RAB3C: variants seen among roughly 807,000 people sequenced by gnomAD.
The protein encoded by RAB3C is ras-related protein Rab-3C.
RAB3C carries 17 observed loss-of-function variants against 26.4 expected under a neutral mutation model. The ratio of observed to expected loss-of-function variants is 0.64; its 90% CI spans 0.44 to 0.97. The LOEUF is 0.97. RAB3C is among the 50% of genes least tolerant of loss of function. The pLI, the probability that RAB3C is intolerant of heterozygous loss-of-function variation, is 0.00. For synonymous variants in RAB3C, 91 were observed against 95.9 expected (o/e 0.95, Z 0.30); for missense variants, 242 against 281.9 (o/e 0.86, Z 1.01).
chr5:58,770,856 A>G (rs914657635), intron 3 of RAB3C, among the ~76,000 whole-genome samples: 1 of 152,160 alleles, frequency 6.6e-6, no homozygotes, highest in Non-Finnish European at 1.5e-5. Context: ...CTCAATAGGA[A>G]GAGATTGGAT....
At chr5:58,845,645 C>CAT (rs1008120004) in intron 4 of RAB3C, among the ~76,000 whole-genome samples, 3 of 64,578 alleles carry the variant, frequency 4.6e-5, no homozygotes, top group Non-Finnish European at 9.8e-5. Flanking sequence ...TGTATATATA[C>CAT]ATATATATAC....
intron 2 of RAB3C, among the ~76,000 whole-genome samples, chr5:58,632,080 C>T (rs1016816151): frequency 6.6e-6 from 1 of 152,196 alleles, no homozygotes; most frequent in African/African-American, 2.4e-5. Context: ...GATGGTGACA[C>T]ATGAAAGTGA....
chr5:58,650,790 A>C (rs997627224), intron 2 of RAB3C, among the ~76,000 whole-genome samples: 1 of 152,206 alleles, frequency 6.6e-6, no homozygotes, highest in Non-Finnish European at 1.5e-5. Context: ...AGAATTGGCT[A>C]GGAAATTTCT....
rs1744238343 is a variant in RAB3C, at chr5:58,855,479, TAGTGTGCTGTCCGG to T, written c.*4129_*4142del. On this transcript the variant is annotated 3_prime_UTR_variant, in exon 5 of 5. Transcript: ENST00000282878. ...CTGTTCCTTTGCGTGTATAGTCACT[TAGTGTGCTGTCCGG>T]GTGCCACATGAGCAACTACACCCAT... 1 of 152,196 alleles carries T rather than the reference TAGTGTGCTGTCCGG, an allele frequency of 6.6e-6. No individual in the cohort carries two copies. Among genetic ancestry groups the T allele is most frequent in the South Asian group, 2.1e-4 (1 of 4,830 alleles). 9.4% of individuals were successfully genotyped at this position (152,196 alleles called of 1,614,324 possible).
rs781563717 is a variant in RAB3C, at chr5:58,617,711, C to T, written c.93C>T (p.Phe31=). ...CTGATCAGAACTTTGACTACATGTT[C>T]AAATTACTCATCATCGGCAATAGCA... ...DSSDQNFDYM[F]KLLIIGNSSV... is the part of the protein sequence containing the mutation. The change falls in exon 2 of 5, where the codon TTC becomes TTT. Residue 31 remains phenylalanine (F), a synonymous_variant. Coordinates refer to ENST00000282878, the MANE Select transcript of RAB3C (RefSeq NM_138453.4). 1 of 1,613,990 alleles carries T rather than the reference C, an allele frequency of 6.2e-7. No individual in the cohort carries two copies. Among genetic ancestry groups the T allele is most frequent in the Non-Finnish European group, 8.5e-7 (1 of 1,179,910 alleles).
In RAB3C at chr5:58,797,394, T is replaced by TAC. The variant is rs1561133611; in HGVS notation, c.372-27643_372-27642insCA. On this transcript the variant is annotated intron_variant, in intron 3 of 4. Transcript: ENST00000282878. ...ATATATATATATATATATATATATA[T>TAC]ATACACAGAGAGAGAGAGAGAAATT... is the stretch of plus-strand genomic sequence containing the variant. 2.2e-4 allele frequency among the ~76,000 whole-genome samples: 23 copies of TAC among 102,888 alleles called. 1 individual carries two copies. Among genetic ancestry groups the TAC allele is most frequent in the African/African-American group, 7.2e-4 (21 of 29,270 alleles). 67.5% of individuals were successfully genotyped at this position (102,888 alleles called of 152,430 possible).
intron 4 of RAB3C, among the ~76,000 whole-genome samples, chr5:58,849,421 T>C (rs141285852): frequency 1.5e-3 from 229 of 152,328 alleles, no homozygotes; most frequent in African/African-American, 5.1e-3. Context: ...CTTAGATCCA[T>C]GCTTGCCTTT....
intron 2 of RAB3C, 139 bp downstream of exon 2, chr5:58,618,009 C>A: frequency 1.6e-6 from 1 of 618,174 alleles, no homozygotes; most frequent in Middle Eastern, 2.6e-4. Flanking sequence ...GCAGAACATT[C>A]TGTTTCAAAG....
chr5:58,706,359 G>A (rs1748943344), intron 2 of RAB3C, among the ~76,000 whole-genome samples: 1 of 151,992 alleles, frequency 6.6e-6, no homozygotes, highest in African/African-American at 2.4e-5. Flanking sequence ...AGAAATAAGT[G>A]GCTAGTCTCC....
chr5:58,692,887 C>T (rs1353976925), intron 2 of RAB3C, among the ~76,000 whole-genome samples: 1 of 152,010 alleles, frequency 6.6e-6, no homozygotes, highest in Non-Finnish European at 1.5e-5. Flanking sequence ...GTGGGTGGAT[C>T]ACCTGAGGTT....
At chr5:58,743,296 A>C (rs867019555) in intron 3 of RAB3C, among the ~76,000 whole-genome samples, 1 of 152,006 alleles carries the variant, frequency 6.6e-6, no homozygotes, top group Non-Finnish European at 1.5e-5. Context: ...CTCAATCCAG[A>C]CCATATATTA....
intron 2 of RAB3C, among the ~76,000 whole-genome samples, chr5:58,709,577 T>A (rs1749016205): frequency 6.6e-6 from 1 of 152,214 alleles, no homozygotes; most frequent in Non-Finnish European, 1.5e-5. Flanking sequence ...CAGAAAGACT[T>A]CTATCCTCAG....
chr5:58,698,885 C>T lies in RAB3C; in HGVS notation c.253-27117C>T, dbSNP rs373607672. Among the ~76,000 whole-genome samples the T allele has an allele frequency of 1.7e-4, 26 of 152,240 alleles. No individual in the cohort carries two copies. In the South Asian group the frequency reaches 1.9e-3, roughly 11 times the overall value. ...TGGGTTCGAGCATCCTCCTTTAGCTCGGAGAAGTTTGTTATTACCAACCTT... is the reference window on the plus strand; with the variant it reads ...TGGGTTCGAGCATCCTCCTTTAGCTTGGAGAAGTTTGTTATTACCAACCTT... On this transcript the variant is annotated intron_variant, in intron 2 of 4. Coordinates refer to ENST00000282878, the MANE Select transcript of RAB3C (RefSeq NM_138453.4).
chr5:58,618,811 G>A (rs748692081), intron 2 of RAB3C, among the ~76,000 whole-genome samples: 1 of 152,046 alleles, frequency 6.6e-6, no homozygotes, highest in Non-Finnish European at 1.5e-5. Context: ...AAATTGATTT[G>A]ATCTGTAATC....
intron 4 of RAB3C, among the ~76,000 whole-genome samples, chr5:58,837,402 G>A (rs954634007): frequency 1.2e-4 from 18 of 152,004 alleles, no homozygotes; most frequent in East Asian, 9.7e-4. Flanking sequence ...GGCTGGTCTC[G>A]AACTCCTGAC....
At chr5:58,735,801 G>A (rs1291641016) in intron 3 of RAB3C, among the ~76,000 whole-genome samples, 1 of 152,198 alleles carries the variant, frequency 6.6e-6, no homozygotes, top group Non-Finnish European at 1.5e-5. Flanking sequence ...TTGTGTGTCA[G>A]CACCTAACTC....
chr5:58,825,745 A>T (rs1196415783), intron 4 of RAB3C, among the ~76,000 whole-genome samples: 1 of 152,228 alleles, frequency 6.6e-6, no homozygotes, highest in Non-Finnish European at 1.5e-5. Flanking sequence ...CAGAAATGGC[A>T]AAGCCATTTC....
intron 3 of RAB3C, among the ~76,000 whole-genome samples, chr5:58,776,190 G>C (rs1742136966): frequency 6.6e-6 from 1 of 152,060 alleles, no homozygotes; most frequent in African/African-American, 2.4e-5. Context: ...TTGCTTAATA[G>C]ACATTCTAAG....
chr5:58,805,437 T>C (rs903315904), intron 3 of RAB3C, among the ~76,000 whole-genome samples: 1 of 151,724 alleles, frequency 6.6e-6, no homozygotes, highest in Admixed American at 6.6e-5. Flanking sequence ...ATACAAAAAT[T>C]AGCCAGGTGT....
Sources: allele counts gnomAD v4.1 joint callset (sites outside exome capture counted in the v4.1 genomes callset), GRCh38; gene constraint gnomAD v4.1.1; transcripts MANE v1.5; gene names NCBI Gene and HGNC (gene_info 2026-07-23, HGNC 2026-07-21).